WIPI2: variants seen among roughly 807,000 people sequenced by gnomAD.
WIPI2 encodes the protein WD repeat domain, phosphoinositide interacting 2.
Under a neutral mutation model 52.3 loss-of-function variants are expected in WIPI2, and 28 were observed. That is an observed-to-expected ratio of 0.54 (90% CI 0.40 to 0.73). WIPI2 has a LOEUF of 0.73. Among genes scored for constraint, WIPI2 ranks in the 30% least tolerant of loss-of-function variants. The pLI, the probability that WIPI2 is intolerant of heterozygous loss-of-function variation, is 0.00. For missense variants in WIPI2, 506 were observed against 602.9 expected (o/e 0.84, Z 1.68); for synonymous variants, 268 against 245.0 (o/e 1.09, Z -0.88).
At chr7:5,221,171 C>T (rs571317470) in intron 7 of WIPI2, among the ~76,000 whole-genome samples, 2 of 152,146 alleles carry the variant, frequency 1.3e-5, no homozygotes, top group East Asian at 3.9e-4. Flanking sequence ...CCATGTTGGC[C>T]AGGCTGGTCT....
intron 8 of WIPI2, among the ~76,000 whole-genome samples, chr7:5,224,758 A>G (rs1049625581): frequency 2.6e-5 from 4 of 152,338 alleles, no homozygotes; most frequent in African/African-American, 7.2e-5. Flanking sequence ...GCAAAATACC[A>G]TAAGCAAACT....
intron 7 of WIPI2, among the ~76,000 whole-genome samples, chr7:5,219,216 C>T (rs867193803): frequency 6.6e-6 from 1 of 150,444 alleles, no homozygotes; most frequent in Non-Finnish European, 1.5e-5. Flanking sequence ...AAAGGTTAAG[C>T]GGTGTGCCCG....
At chr7:5,212,976 C>G (rs916949252) in intron 3 of WIPI2, 1 of 152,234 alleles carries the variant, frequency 6.6e-6, no homozygotes, top group Non-Finnish European at 1.5e-5. Context: ...GGGTTATGCA[C>G]CATCTCTTCT....
chr7:5,191,461 A>G (rs1036069024), intron 1 of WIPI2, among the ~76,000 whole-genome samples: 4 of 152,148 alleles, frequency 2.6e-5, no homozygotes, highest in African/African-American at 9.7e-5. Context: ...GGAGTCTCAG[A>G]GCTCCAGCGG....
chr7:5,204,504 T>C (rs1184059295), intron 3 of WIPI2, among the ~76,000 whole-genome samples: 2 of 152,090 alleles, frequency 1.3e-5, no homozygotes, highest in Non-Finnish European at 2.9e-5. Context: ...AATAGAAAAA[T>C]ATTAGAGCAT....
At chr7:5,195,768 A>T (rs1401981209) in intron 2 of WIPI2, among the ~76,000 whole-genome samples, 1 of 152,190 alleles carries the variant, frequency 6.6e-6, no homozygotes, top group African/African-American at 2.4e-5. Flanking sequence ...TAGGCCAGGC[A>T]CGGTGGTCAC....
rs546566122 is a variant in WIPI2 at position 5,229,267 on chromosome 7, A to G, written c.1122-341A>G. The G allele has an allele frequency of 8.5e-4, 162 of 190,818 alleles. 1 individual carries two copies. The highest frequency in any genetic ancestry group is 3.5e-3 in the African/African-American group (147 of 42,386). 11.8% of individuals were successfully genotyped at this position (190,818 alleles called of 1,614,324 possible). ...CCTGACCTCGTGATCCGCCCGCCTC[A>G]GCCTCCCAAAGTGCTGGGATTACAG... On this transcript the variant is annotated intron_variant, in intron 11 of 12. Transcript: ENST00000288828.
chr7:5,220,410 T>A lies in WIPI2; in HGVS notation c.670-2192T>A, dbSNP rs747591542. Among the ~76,000 whole-genome samples the A allele has an allele frequency of 5.3e-5, 8 of 151,872 alleles. No individual in the cohort carries two copies. In the South Asian group the frequency reaches 1.7e-3, roughly 32 times the overall value. On this transcript the variant is annotated intron_variant, in intron 7 of 12. Coordinates refer to ENST00000288828, the MANE Select transcript of WIPI2 (RefSeq NM_015610.4). ...AGCGCGCGCCACCACACCCAGCTAA[T>A]TTTTGTATTTTGAGTAGATGGGGTT...
rs1411720299 is a variant in WIPI2, at chr7:5,190,283, G to A, written c.-137G>A. On this transcript the variant is annotated 5_prime_UTR_variant, in exon 1 of 13. Coordinates refer to ENST00000288828, the MANE Select transcript of WIPI2 (RefSeq NM_015610.4). The stretch of plus-strand genomic sequence containing the variant: ...ATAAACAAGAGCGGGGACGGGATGA[G>A]GCGGCGGTTGATCCCAGGGTGGCGA... 6.9e-6 allele frequency: 3 copies of A among 433,832 alleles called. No homozygotes were observed. Among genetic ancestry groups the A allele is most frequent in the African/African-American group, 4.2e-5 (2 of 47,552 alleles). 26.9% of individuals were successfully genotyped at this position (433,832 alleles called of 1,614,324 possible). A position where few individuals can be genotyped will look rare whatever the true frequency, so the allele number is the denominator to read the frequency against.
chr7:5,229,529 C>A, intron 11 of WIPI2, 79 bp from the exon 12 acceptor site: 1 of 1,521,712 alleles, frequency 6.6e-7, no homozygotes, highest in Non-Finnish European at 8.8e-7. Context: ...GGCTCTGTTG[C>A]CGCAGGGCAG....
At chr7:5,214,413 G>C in intron 3 of WIPI2, 122 bp from the exon 4 acceptor site, 1 of 1,609,880 alleles carries the variant, frequency 6.2e-7, no homozygotes, top group Non-Finnish European at 8.5e-7. Context: ...ATGTTCCGCA[G>C]GCACCCTCAG....
Position 5,227,906 on chromosome 7 carries a change from C to T in WIPI2, c.1014-198C>T, listed in dbSNP as rs1359369507. ...CTGGTTTCATCCCGCTCTCGTCTCC[C>T]GTGGGCTTCAGGGCTCAGCACACGA... is the stretch of plus-strand genomic sequence containing the variant. On this transcript the variant is annotated intron_variant, in intron 10 of 12. Transcript: ENST00000288828. The surrounding 1 kb of genome is among the most constrained non-coding windows in gnomAD (Gnocchi z 8.1). Among the ~76,000 whole-genome samples the T allele has an allele frequency of 3.3e-5, 5 of 152,228 alleles. No individual in the cohort carries two copies. Among genetic ancestry groups the T allele is most frequent in the Non-Finnish European group, 5.9e-5 (4 of 68,046 alleles).
chr7:5,232,977 G>A lies in WIPI2; in HGVS notation c.*2030G>A, dbSNP rs1783799826. ...TCAGCCTCGGCTTCCCGCACTGTAAGATGAGGCAGTTGCAGAGGAGGCCTC... is the reference window on the plus strand; with the variant it reads ...TCAGCCTCGGCTTCCCGCACTGTAAAATGAGGCAGTTGCAGAGGAGGCCTC... On this transcript the variant is annotated 3_prime_UTR_variant, in exon 13 of 13. Transcript: ENST00000288828. 1 of 152,312 alleles carries A rather than the reference G, an allele frequency of 6.6e-6. No individual in the cohort carries two copies. The highest frequency in any genetic ancestry group is 2.4e-5 in the African/African-American group (1 of 41,462). 9.4% of individuals were successfully genotyped at this position (152,312 alleles called of 1,614,324 possible).
Position 5,227,780 on chromosome 7 carries a change from C to A in WIPI2, c.1014-324C>A, listed in dbSNP as rs935040797. The stretch of plus-strand genomic sequence containing the variant: ...CAGTGATGGCAGGGCTTTGGGCTTC[C>A]GTGCGTCTTTAAACATCATTTTCCA... On this transcript the variant is annotated intron_variant, in intron 10 of 12. Transcript: ENST00000288828. The surrounding 1 kb of genome is among the most constrained non-coding windows in gnomAD (Gnocchi z 8.1). Among the ~76,000 whole-genome samples, 3 of 152,148 alleles carry A rather than the reference C, an allele frequency of 2.0e-5. No individual in the cohort carries two copies. Among genetic ancestry groups the A allele is most frequent in the African/African-American group, 7.2e-5 (3 of 41,438 alleles).
chr7:5,205,011 T>C (rs1782223850), intron 3 of WIPI2, among the ~76,000 whole-genome samples: 1 of 152,056 alleles, frequency 6.6e-6, no homozygotes, highest in Non-Finnish European at 1.5e-5. Flanking sequence ...AGTCTCGCTG[T>C]ATCATCCAGG....
At chr7:5,226,128 T>C in intron 9 of WIPI2, 198 bp downstream of exon 9, 1 of 588,742 alleles carries the variant, frequency 1.7e-6, no homozygotes, top group Non-Finnish European at 3.1e-6. Flanking sequence ...GATGAGCTTC[T>C]CCCACAGGCA....
chr7:5,210,463 C>G (rs776072176), intron 3 of WIPI2, among the ~76,000 whole-genome samples: 1 of 152,184 alleles, frequency 6.6e-6, no homozygotes, highest in South Asian at 2.1e-4. Context: ...TGGCTTTTCT[C>G]TTACTCAATC....
intron 5 of WIPI2, 105 bp downstream of exon 5, chr7:5,216,764 C>A: frequency 8.8e-7 from 1 of 1,133,716 alleles, no homozygotes; most frequent in Admixed American, 2.3e-5. Context: ...GCAGATGAGA[C>A]AGATTTTAAA....
At chr7:5,190,555 A>G (rs1583528700) in intron 1 of WIPI2, 62 bp downstream of exon 1, 9 of 1,347,372 alleles carry the variant, frequency 6.7e-6, no homozygotes, top group South Asian at 5.0e-5. Context: ...GGCTAGGGGG[A>G]GGGCCTCGCT....
Sources: gnomAD v4.1 joint callset for allele counts (sites outside exome capture counted in the v4.1 genomes callset) on GRCh38, gnomAD v4.1.1 for gene constraint, Gnocchi (gnomAD v3.1) non-coding constraint, MANE v1.5 for transcripts, NCBI Gene and HGNC (gene_info 2026-07-23, HGNC 2026-07-21) for gene names.